Variants in ELF4 observed in about 807,000 individuals in gnomAD.
ELF4 encodes E74 like ETS transcription factor 4, also known as ETS-related transcription factor Elf-4.
Under a neutral mutation model 31.7 loss-of-function variants are expected in ELF4, and 10 were observed. The ratio of observed to expected loss-of-function variants is 0.32; its 90% CI spans 0.19 to 0.54. The LOEUF (loss-of-function observed/expected upper bound fraction) is 0.54, where lower values mean the gene tolerates loss of function less well. ELF4 is among the 20% of genes least tolerant of loss of function. The pLI, the probability that ELF4 is intolerant of heterozygous loss-of-function variation, is 0.95. For synonymous variants in ELF4, 208 were observed against 226.7 expected (o/e 0.92, Z 0.74); for missense variants, 418 against 522.0 (o/e 0.80, Z 1.94).
intron 7 of ELF4, 132 bp downstream of exon 7, chrX:130,070,908 A>G (rs767237974): frequency 2.1e-6 from 2 of 941,565 alleles, no homozygotes; most frequent in Admixed American, 4.4e-5. Context: ...GGAGCAAGCT[A>G]AGAGGAAAGT....
intron 1 of ELF4, among the ~76,000 whole-genome samples, chrX:130,096,175 G>T (rs1283655113): frequency 9.2e-6 from 1 of 109,150 alleles, no homozygotes; most frequent in Non-Finnish European, 1.9e-5. Context: ...AATGTTTTGG[G>T]TTTTTTTTTG....
intron 1 of ELF4, among the ~76,000 whole-genome samples, chrX:130,098,835 T>TG (rs1319903465): frequency 1.8e-5 from 2 of 112,083 alleles, no homozygotes; most frequent in African/African-American, 6.5e-5. Context: ...CTGACCCACC[T>TG]GCAGGCAGGC....
At chrX:130,070,042 T>C (rs1415706963) in intron 7 of ELF4, among the ~76,000 whole-genome samples, 1 of 111,918 alleles carries the variant, frequency 8.9e-6, no homozygotes, top group Non-Finnish European at 1.9e-5. Flanking sequence ...AGACCACCTC[T>C]AGGACAACTC....
chrX:130,083,368 C>G (rs1932914368), intron 1 of ELF4, among the ~76,000 whole-genome samples: 1 of 106,433 alleles, frequency 9.4e-6, no homozygotes, highest in African/African-American at 3.5e-5. Flanking sequence ...CCCTGCCCCC[C>G]CAGCCTAAGC....
rs1005807804 is a variant in ELF4 at position 130,072,528 on chromosome X, C to A, written c.341-111G>T. The stretch of plus-strand genomic sequence containing the variant: ...AGGGAGGGCGGGGGGCTCATCCCCC[C>A]AGCCCCAGACACAGGATACACCTGA... On this transcript the variant is annotated intron_variant, in intron 4 of 8. Transcript: ENST00000308167. 3.7e-5 allele frequency: 28 copies of A among 749,153 alleles called. No individual in the cohort carries two copies. The African/African-American group carries it at 4.4e-4, about 12-fold the overall frequency. The allele number at this position is 749,153 out of a possible 1,213,427, so 61.7% of individuals were successfully genotyped here.
chrX:130,072,725 G>C (rs968131101), intron 4 of ELF4, among the ~76,000 whole-genome samples: 5 of 112,102 alleles, frequency 4.5e-5, no homozygotes, highest in African/African-American at 1.6e-4. Context: ...CTCATTTTAC[G>C]ACTCAAAGGG....
chrX:130,068,796 G>A (rs1224056652), intron 8 of ELF4, among the ~76,000 whole-genome samples: 2 of 112,419 alleles, frequency 1.8e-5, no homozygotes, highest in African/African-American at 6.5e-5. Flanking sequence ...AGCCCCTCTC[G>A]TGTAAGCCCC....
chrX:130,081,561 G>A (rs1603204231), intron 1 of ELF4, 22 bp from the exon 2 acceptor site: 1 of 440,658 alleles, frequency 2.3e-6, no homozygotes, highest in South Asian at 3.2e-5. Context: ...GGAGAGATGG[G>A]GACAGTGAGT....
rs750436474 is a variant in ELF4, at chrX:130,066,940, C to T, written c.1773G>A (p.Pro591=). 8 of 1,210,536 alleles carry T rather than the reference C, an allele frequency of 6.6e-6. No individual in the cohort carries two copies. Among genetic ancestry groups the T allele is most frequent in the African/African-American group, 5.2e-5 (3 of 57,324 alleles). Residue 591 remains proline (P), a synonymous_variant, in exon 9 of 9, where the codon CCG becomes CCA. Transcript: ENST00000308167. The part of the protein sequence containing the change: ...TQVVSRGSHN[P]SLLGNQTLSP... ...ACAAAGTCTGGTTGCCCAGAAGGCT[C>T]GGATTGTGGGAACCCCTGGAAACCA... is the stretch of plus-strand genomic sequence containing the variant.
rs767726178 is a variant in ELF4, at chrX:130,069,383, C to T, written c.1104G>A (p.Pro368=). The T allele has an allele frequency of 9.9e-6, 12 of 1,210,874 alleles. No individual in the cohort carries two copies. Among genetic ancestry groups the T allele is most frequent in the South Asian group, 3.5e-5 (2 of 56,892 alleles). Reference sequence around the variant, plus strand: ...TAGTGGGGATCTCCTCGTCTAGCGACGGTCCCAATTCCAGACTCGCAGATG... The same window carrying T: ...TAGTGGGGATCTCCTCGTCTAGCGATGGTCCCAATTCCAGACTCGCAGATG... ...LQPSASLELG[P]SLDEEIPTTS... Residue 368 remains proline (P), a synonymous_variant, in exon 8 of 9, where the codon CCG becomes CCA. Transcript: ENST00000308167.
rs1200975205 is a variant in ELF4, at chrX:130,067,079, G to A, written c.1634C>T (p.Ser545Phe). The part of the protein sequence containing the change: ...RVKEGPLRSS[S>F]YVQGMVTGAP... ...CCCCGTCACCATACCCTGAACATAG[G>A]AGGAGGACCTCAGTGGCCCCTCCTT... The change falls in exon 9 of 9, where the codon TCC becomes TTC. Residue 545 changes from serine (S) to phenylalanine (F), a missense_variant. Coordinates refer to ENST00000308167, the MANE Select transcript of ELF4 (RefSeq NM_001421.4). 8.3e-7 allele frequency: 1 copy of A among 1,209,416 alleles called. No homozygotes were observed. Among genetic ancestry groups the A allele is most frequent in the South Asian group, 1.8e-5 (1 of 56,887 alleles).
At position 130,078,762 on chromosome X, in the gene ELF4, TACACACACACACACACAC is replaced by T. The variant is rs530565075; in HGVS notation, c.75+2476_75+2493del. ...ACAAGAGCAAAACTCTCTCTCTCTC[TACACACACACACACACAC>T]ACACACACACACACACACACACACA... On this transcript the variant is annotated intron_variant, in intron 2 of 8. Coordinates refer to ENST00000308167, the MANE Select transcript of ELF4 (RefSeq NM_001421.4). 2.6e-3 allele frequency among the ~76,000 whole-genome samples: 220 copies of T among 84,882 alleles called. 1 individual carries two copies. Among genetic ancestry groups the T allele is most frequent in the African/African-American group, 9.0e-3 (197 of 21,934 alleles). The allele number at this position is 84,882 out of a possible 115,157, so 73.7% of individuals were successfully genotyped here. A position where few individuals can be genotyped will look rare whatever the true frequency, so the allele number is the denominator to read the frequency against.
At chrX:130,098,897 G>A (rs752370270) in intron 1 of ELF4, among the ~76,000 whole-genome samples, 1 of 112,112 alleles carries the variant, frequency 8.9e-6, no homozygotes, top group South Asian at 3.6e-4. Flanking sequence ...CAGACTAGGC[G>A]TCAAAGCCAC....
At chrX:130,100,672 A>C (rs1281936347) in intron 1 of ELF4, among the ~76,000 whole-genome samples, 2 of 111,378 alleles carry the variant, frequency 1.8e-5, no homozygotes, top group Admixed American at 1.9e-4. Flanking sequence ...CCCTTCTCTA[A>C]GCCCCCATGA....
intron 2 of ELF4, among the ~76,000 whole-genome samples, chrX:130,075,512 G>A (rs1271589891): frequency 2.8e-5 from 3 of 108,390 alleles, no homozygotes; most frequent in Non-Finnish European, 3.8e-5. Context: ...TCCTGACCTC[G>A]TGATCCACCC....
At chrX:130,073,235 T>G (rs1356047975) in intron 4 of ELF4, among the ~76,000 whole-genome samples, 2 of 111,209 alleles carry the variant, frequency 1.8e-5, no homozygotes, top group African/African-American at 6.6e-5. Context: ...ATTATAGGCA[T>G]GTGCCACCAC....
At chrX:130,104,996 T>G (rs1912273688) in intron 1 of ELF4, among the ~76,000 whole-genome samples, 1 of 78,643 alleles carries the variant, frequency 1.3e-5, no homozygotes, top group Admixed American at 1.3e-4. Flanking sequence ...CCGTCTTTAC[T>G]AAAAAATACA....
chrX:130,106,444 A>G (rs938639645), intron 1 of ELF4, among the ~76,000 whole-genome samples: 3 of 111,535 alleles, frequency 2.7e-5, no homozygotes, highest in African/African-American at 9.8e-5. Context: ...AGCAGCCCCT[A>G]TGAGGTCAGA....
chrX:130,094,975 G>C (rs1223278886), intron 1 of ELF4, among the ~76,000 whole-genome samples: 1 of 111,877 alleles, frequency 8.9e-6, no homozygotes, highest in Non-Finnish European at 1.9e-5. Context: ...GGTGGGCCGA[G>C]GGTGGTGGGT....
Sources: allele counts gnomAD v4.1 joint callset (sites outside exome capture counted in the v4.1 genomes callset), GRCh38; gene constraint gnomAD v4.1.1; transcripts MANE v1.5; gene names NCBI Gene and HGNC (gene_info 2026-07-23, HGNC 2026-07-21).